AP3S1: variants seen among roughly 807,000 people sequenced by gnomAD.
The protein encoded by AP3S1 is AP-3 complex subunit sigma-1.
AP3S1 carries 12 observed loss-of-function variants against 21.3 expected under a neutral mutation model. The observed-to-expected ratio is 0.56, with a 90% confidence interval of 0.36 to 0.91. AP3S1 has a LOEUF of 0.91. Among genes scored for constraint, AP3S1 ranks in the 40% least tolerant of loss-of-function variants. The pLI, the probability that AP3S1 is intolerant of heterozygous loss-of-function variation, is 0.01. For synonymous variants in AP3S1, 48 were observed against 78.4 expected (o/e 0.61, Z 2.05); for missense variants, 116 against 225.0 (o/e 0.52, Z 3.10).
chr5:115,886,721 C>G (rs1227604621), intron 3 of AP3S1, among the ~76,000 whole-genome samples: 1 of 152,148 alleles, frequency 6.6e-6, no homozygotes, highest in Admixed American at 6.5e-5. Context: ...GTTCAAAGAT[C>G]ACCTGTACCA....
At chr5:115,861,865 C>CTTTTT (rs113923492) in intron 1 of AP3S1, among the ~76,000 whole-genome samples, 113 of 110,532 alleles carry the variant, frequency 1.0e-3, no homozygotes, top group East Asian at 1.5e-3. Context: ...CTTTTCTTTT[C>CTTTTT]TTTTTTTTTT....
intron 1 of AP3S1, chr5:115,853,056 T>C (rs1426173663): frequency 2.2e-6 from 1 of 453,050 alleles, no homozygotes; most frequent in African/African-American, 2.0e-5. Flanking sequence ...CCAGACTATA[T>C]TCTAAAGTGA....
chr5:115,881,197 C>T (rs1749253156), intron 3 of AP3S1, among the ~76,000 whole-genome samples: 2 of 152,090 alleles, frequency 1.3e-5, no homozygotes, highest in South Asian at 2.1e-4. Flanking sequence ...AGCCTGTTTA[C>T]ATTTAAGGTT....
chr5:115,859,199 T>C (rs1486701810), intron 1 of AP3S1, among the ~76,000 whole-genome samples: 1 of 152,168 alleles, frequency 6.6e-6, no homozygotes, highest in Non-Finnish European at 1.5e-5. Flanking sequence ...GTTTAGGTAG[T>C]GTAGGAATTG....
intron 4 of AP3S1, 124 bp from the exon 5 acceptor site, chr5:115,902,761 C>G: frequency 1.7e-6 from 1 of 602,286 alleles, no homozygotes; most frequent in South Asian, 2.1e-5. Flanking sequence ...AGCCCTTACT[C>G]CAAGTTGTTT....
At chr5:115,865,344 TG>T (rs1763529788) in intron 1 of AP3S1, among the ~76,000 whole-genome samples, 1 of 152,220 alleles carries the variant, frequency 6.6e-6, no homozygotes, top group Admixed American at 6.5e-5. Context: ...TTAACATTTT[TG>T]GGGAGTGAAA....
At chr5:115,880,181 G>C (rs918468068) in intron 3 of AP3S1, among the ~76,000 whole-genome samples, 8 of 152,060 alleles carry the variant, frequency 5.3e-5, no homozygotes, top group African/African-American at 1.9e-4. Flanking sequence ...TTTTTGAAGG[G>C]TTTTTCATGT....
intron 1 of AP3S1, among the ~76,000 whole-genome samples, chr5:115,866,371 C>A (rs1763621137): frequency 6.6e-6 from 1 of 152,138 alleles, no homozygotes; most frequent in Non-Finnish European, 1.5e-5. Flanking sequence ...TAGTTAATAT[C>A]TAGTTTCCCT....
intron 1 of AP3S1, among the ~76,000 whole-genome samples, chr5:115,853,966 T>G (rs1007302167): frequency 1.3e-5 from 2 of 152,200 alleles, no homozygotes; most frequent in Admixed American, 1.3e-4. Context: ...ACTCAGTAAT[T>G]TATAGTGAAC....
At chr5:115,894,389 C>G (rs1561516814) in intron 3 of AP3S1, among the ~76,000 whole-genome samples, 1 of 152,170 alleles carries the variant, frequency 6.6e-6, no homozygotes, top group African/African-American at 2.4e-5. Flanking sequence ...GAAGTACCTG[C>G]TCAAATTGGT....
chr5:115,866,266 A>G (rs564716700), intron 1 of AP3S1, among the ~76,000 whole-genome samples: 24 of 152,148 alleles, frequency 1.6e-4, no homozygotes, highest in Non-Finnish European at 2.8e-4. Flanking sequence ...CCATAGTTCT[A>G]TTTCTTTCCT....
chr5:115,857,092 A>G lies in AP3S1; in HGVS notation c.70-9578A>G, dbSNP rs556717093. Among the ~76,000 whole-genome samples, 5 of 152,320 alleles carry G rather than the reference A, an allele frequency of 3.3e-5. No homozygotes were observed. The South Asian group carries it at 6.2e-4, about 19-fold the overall frequency. Reference sequence around the variant, plus strand: ...AGTTCCTATGAGAAATTCTTTCACTATCAATGTAATGAAACATAGTTAAAG... The same window carrying G: ...AGTTCCTATGAGAAATTCTTTCACTGTCAATGTAATGAAACATAGTTAAAG... On this transcript the variant is annotated intron_variant, in intron 1 of 5. Transcript: ENST00000316788.
chr5:115,851,799 C>T (rs1174731411), intron 1 of AP3S1, among the ~76,000 whole-genome samples: 4 of 152,060 alleles, frequency 2.6e-5, no homozygotes, highest in Non-Finnish European at 4.4e-5. Context: ...TCCTTTGATA[C>T]ACACAACTGT....
intron 3 of AP3S1, among the ~76,000 whole-genome samples, chr5:115,882,687 G>A (rs186019122): frequency 2.0e-4 from 31 of 152,198 alleles, no homozygotes; most frequent in Admixed American, 1.6e-3. Context: ...TCAGGGACCC[G>A]CTTGAGGAGG....
At chr5:115,872,892 G>A (rs1248197074) in intron 3 of AP3S1, among the ~76,000 whole-genome samples, 4 of 152,070 alleles carry the variant, frequency 2.6e-5, no homozygotes, top group Admixed American at 1.3e-4. Flanking sequence ...ATAGAACCAT[G>A]CTTTCTATTT....
chr5:115,902,092 C>G (rs1423983210), intron 4 of AP3S1, among the ~76,000 whole-genome samples: 1 of 152,106 alleles, frequency 6.6e-6, no homozygotes, highest in African/African-American at 2.4e-5. Flanking sequence ...TCAAGGGCTA[C>G]AAGTAATAAG....
At chr5:115,903,385 G>C (rs534097046) in intron 5 of AP3S1, 1 of 153,546 alleles carries the variant, frequency 6.5e-6, no homozygotes, top group Admixed American at 6.5e-5. Flanking sequence ...TCTGGAAAGG[G>C]AAAGGACAGG....
rs573260030 is a variant in AP3S1 at position 115,861,990 on chromosome 5, G to A, written c.70-4680G>A. On this transcript the variant is annotated intron_variant, in intron 1 of 5. Coordinates refer to ENST00000316788, the MANE Select transcript of AP3S1 (RefSeq NM_001284.4). ...GCTGAGATTATAGGTGTGAGCCACTGTGCCCAACTCAGAATCATTCATATT... is the reference window on the plus strand; with the variant it reads ...GCTGAGATTATAGGTGTGAGCCACTATGCCCAACTCAGAATCATTCATATT... Among the ~76,000 whole-genome samples, 28 of 149,650 alleles carry A rather than the reference G, an allele frequency of 1.9e-4. No individual in the cohort carries two copies. The South Asian group carries it at 5.9e-3, about 31-fold the overall frequency.
intron 1 of AP3S1, among the ~76,000 whole-genome samples, chr5:115,865,162 C>G (rs1763514954): frequency 6.6e-6 from 1 of 151,986 alleles, no homozygotes; most frequent in Non-Finnish European, 1.5e-5. Context: ...AAACACCTCT[C>G]CTCGTCCTCT....
Sources: gnomAD v4.1 joint callset for allele counts (sites outside exome capture counted in the v4.1 genomes callset) on GRCh38, gnomAD v4.1.1 for gene constraint, MANE v1.5 for transcripts, NCBI Gene and HGNC (gene_info 2026-07-23, HGNC 2026-07-21) for gene names.